Variants in SOX6 observed in about 807,000 individuals in gnomAD.
The protein encoded by SOX6 is transcription factor SOX-6.
In SOX6, 11 loss-of-function variants were observed where a neutral mutation model predicts 97.8. The observed-to-expected ratio is 0.11, with a 90% CI of 0.07 to 0.19. The LOEUF (loss-of-function observed/expected upper bound fraction) is 0.19. Ranked by LOEUF, SOX6 falls within the 10% of genes least tolerant of loss-of-function variation. SOX6 has a pLI of 1.00. For synonymous variants in SOX6, 360 were observed against 371.4 expected (o/e 0.97, Z 0.35); for missense variants, 810 against 1,039.5 (o/e 0.78, Z 3.04).
intron 10 of SOX6, among the ~76,000 whole-genome samples, chr11:16,051,012 G>T (rs1847672554): frequency 6.6e-6 from 1 of 151,986 alleles, no homozygotes; most frequent in Non-Finnish European, 1.5e-5. Flanking sequence ...GTAACCATGT[G>T]ACCTTGCTGG....
chr11:16,222,225 G>A (rs1852560136), intron 4 of SOX6, among the ~76,000 whole-genome samples: 1 of 152,026 alleles, frequency 6.6e-6, no homozygotes, highest in Non-Finnish European at 1.5e-5. Flanking sequence ...TAGCTATTTG[G>A]TTACAGCTAT....
At position 15,989,028 on chromosome 11, in the gene SOX6, G is replaced by A; in HGVS notation, c.1935C>T (p.Asp645=). ...TTTTGCTAATGTTGGAGTTATGCAT[G>A]TCGGGGAAGGCCTGAAGGATTTTTC... ...ERRKILQAFP[D]MHNSNISKIL... The change falls in exon 14 of 16, where the codon GAC becomes GAT. Residue 645 remains aspartate, a synonymous_variant. Coordinates refer to ENST00000683767, the MANE Select transcript of SOX6 (RefSeq NM_001367873.1). 9 of 1,614,190 alleles carry A rather than the reference G, an allele frequency of 5.6e-6. No individual in the cohort carries two copies. Among genetic ancestry groups the A allele is most frequent in the Non-Finnish European group, 7.6e-6 (9 of 1,180,006 alleles).
chr11:16,321,758 A>G (rs572431303), intron 2 of SOX6, among the ~76,000 whole-genome samples: 1 of 152,264 alleles, frequency 6.6e-6, no homozygotes, highest in South Asian at 2.1e-4. Context: ...GCAATATGTC[A>G]CCAAATTGTA....
intron 1 of SOX6, among the ~76,000 whole-genome samples, chr11:16,364,751 A>G (rs1857306774): frequency 2.0e-5 from 3 of 152,160 alleles, no homozygotes; most frequent in Non-Finnish European, 2.9e-5. Flanking sequence ...TTCAGAGGCC[A>G]GGAAGCTATC....
At chr11:16,469,013 T>C (rs531208630) in intron 1 of SOX6, among the ~76,000 whole-genome samples, 5 of 151,864 alleles carry the variant, frequency 3.3e-5, no homozygotes, top group Admixed American at 2.0e-4. Flanking sequence ...CCAAATGTGC[T>C]GTGGTGGCAC....
chr11:16,063,059 C>A (rs1847996829), intron 9 of SOX6, among the ~76,000 whole-genome samples: 1 of 151,638 alleles, frequency 6.6e-6, no homozygotes, highest in South Asian at 2.1e-4. Context: ...AGTTTTGCAC[C>A]TTTCAAGCAC....
chr11:15,987,177 A>G (rs1455943452), intron 14 of SOX6, among the ~76,000 whole-genome samples: 1 of 152,240 alleles, frequency 6.6e-6, no homozygotes, highest in Non-Finnish European at 1.5e-5. Flanking sequence ...CATGTATCAA[A>G]TTGCATTTTT....
intron 1 of SOX6, among the ~76,000 whole-genome samples, chr11:16,343,627 C>T (rs1856700060): frequency 6.6e-6 from 1 of 151,872 alleles, no homozygotes; most frequent in African/African-American, 2.4e-5. Context: ...GGTCCTCAGT[C>T]TTAATCAGCC....
intron 4 of SOX6, among the ~76,000 whole-genome samples, chr11:16,211,062 T>C (rs1352188808): frequency 6.6e-6 from 1 of 152,112 alleles, no homozygotes; most frequent in African/African-American, 2.4e-5. Context: ...AGTCCTAATG[T>C]GGTGCCTCTT....
At chr11:16,154,968 G>A (rs1850559096) in intron 6 of SOX6, among the ~76,000 whole-genome samples, 1 of 151,852 alleles carries the variant, frequency 6.6e-6, no homozygotes. Context: ...CCGGTTTTAA[G>A]ACTATCGCTC....
intron 1 of SOX6, among the ~76,000 whole-genome samples, chr11:16,452,536 T>C (rs1350825314): frequency 6.6e-6 from 1 of 152,178 alleles, no homozygotes; most frequent in East Asian, 1.9e-4. Context: ...TAAGCTTGAT[T>C]TTGAGGAAGC....
intron 3 of SOX6, among the ~76,000 whole-genome samples, chr11:16,658,212 C>CTG (rs1847738441): frequency 6.6e-6 from 1 of 152,152 alleles, no homozygotes; most frequent in Admixed American, 6.5e-5. Context: ...AAAGATCTAA[C>CTG]TGTGGTTCTA....
In SOX6 at chr11:16,050,045, C is replaced by G. The variant is rs1847647509; in HGVS notation, c.1252-107G>C. 4 of 1,134,256 alleles carry G rather than the reference C, an allele frequency of 3.5e-6. No individual in the cohort carries two copies. The East Asian group carries it at 7.1e-5, about 20-fold the overall frequency. The allele number at this position is 1,134,256 out of a possible 1,614,324, so 70.3% of individuals were successfully genotyped here. On this transcript the variant is annotated intron_variant, in intron 10 of 15. Coordinates refer to ENST00000683767, the MANE Select transcript of SOX6 (RefSeq NM_001367873.1). Reference sequence around the variant, plus strand: ...CACCTCAGAGACAATGCCACATTCTCCTACAATAATAACAAAAGAAGCTAA... The same window carrying G: ...CACCTCAGAGACAATGCCACATTCTGCTACAATAATAACAAAAGAAGCTAA...
At chr11:16,679,542 C>T (rs1180339252) in intron 3 of SOX6, among the ~76,000 whole-genome samples, 1 of 152,164 alleles carries the variant, frequency 6.6e-6, no homozygotes, top group Non-Finnish European at 1.5e-5. Context: ...AATTCCAAAA[C>T]CAGAGTGCCT....
At chr11:16,055,038 T>C (rs1847779088) in intron 10 of SOX6, among the ~76,000 whole-genome samples, 1 of 152,152 alleles carries the variant, frequency 6.6e-6, no homozygotes, top group Non-Finnish European at 1.5e-5. Flanking sequence ...ATCACAACTA[T>C]ATGGCATCAA....
chr11:16,391,500 C>T (rs915570710), intron 1 of SOX6, among the ~76,000 whole-genome samples: 4 of 152,114 alleles, frequency 2.6e-5, no homozygotes, highest in Non-Finnish European at 5.9e-5. Flanking sequence ...CCTCTTTGTG[C>T]CTGGCATATA....
intron 6 of SOX6, among the ~76,000 whole-genome samples, chr11:16,179,315 T>A (rs936932914): frequency 1.3e-5 from 2 of 151,856 alleles, no homozygotes; most frequent in Admixed American, 1.3e-4. Context: ...TTAATGATGC[T>A]CTACCACGTG....
At chr11:16,655,106 CA>C (rs1333603318) in intron 3 of SOX6, among the ~76,000 whole-genome samples, 2 of 152,124 alleles carry the variant, frequency 1.3e-5, no homozygotes, top group Non-Finnish European at 2.9e-5. Flanking sequence ...AGAATTCACC[CA>C]AAACCTCATG....
intron 4 of SOX6, among the ~76,000 whole-genome samples, chr11:16,224,654 A>T (rs898449363): frequency 2.7e-5 from 4 of 148,370 alleles, no homozygotes; most frequent in Non-Finnish European, 4.4e-5. Context: ...TGGTATAATT[A>T]AAAAAAACTA....
Sources: gnomAD v4.1 joint callset for allele counts (sites outside exome capture counted in the v4.1 genomes callset) on GRCh38, gnomAD v4.1.1 for gene constraint, MANE v1.5 for transcripts, NCBI Gene and HGNC (gene_info 2026-07-23, HGNC 2026-07-21) for gene names.